Variants in SRP72 observed in about 807,000 individuals in gnomAD.
SRP72 encodes signal recognition particle 72.
Under a neutral mutation model 96.3 loss-of-function variants are expected in SRP72, and 49 were observed. That is an observed-to-expected ratio of 0.51 (90% CI 0.40 to 0.65). The LOEUF is 0.65. Ranked by LOEUF, SRP72 falls within the 30% of genes least tolerant of loss-of-function variation. The probability of loss-of-function intolerance (pLI) is 0.00; values close to 1 mark genes in which losing one functional copy is unlikely to be tolerated. For missense variants in SRP72, 736 were observed against 793.3 expected, an observed-to-expected ratio of 0.93 and a Z score of 0.87; for synonymous variants, 267 against 275.2, an observed-to-expected ratio of 0.97 and a Z score of 0.30.
chr4:56,482,949 A>G (rs1720560136), intron 8 of SRP72, among the ~76,000 whole-genome samples, 190 bp from the exon 9 acceptor site: 1 of 152,238 alleles, frequency 6.6e-6, no homozygotes. Context: ...TGAATTGCAG[A>G]GATTCAAAAA....
chr4:56,494,202 A>G (rs1721001813), intron 16 of SRP72, among the ~76,000 whole-genome samples: 1 of 152,182 alleles, frequency 6.6e-6, no homozygotes, highest in South Asian at 2.1e-4. Context: ...GAAACACTCA[A>G]GTAAGATACA....
Position 56,468,082 on chromosome 4 carries a change from A to C in SRP72, c.109+338A>C, listed in dbSNP as rs74742377. 5.9e-5 allele frequency among the ~76,000 whole-genome samples: 9 copies of C among 152,332 alleles called. No individual in the cohort carries two copies. In the East Asian group the frequency reaches 1.7e-3, roughly 29 times the overall value. On this transcript the variant is annotated intron_variant, in intron 1 of 18. Coordinates refer to ENST00000642900, the MANE Select transcript of SRP72 (RefSeq NM_006947.4). ...TGACTCCTTTGCTGCTTTATTTCAC[A>C]AATATTCCAAAGTGCCTCCTTTTCT... is the stretch of plus-strand genomic sequence containing the variant.
At chr4:56,490,281 C>A in intron 13 of SRP72, 52 bp from the exon 14 acceptor site, 1 of 1,428,008 alleles carries the variant, frequency 7.0e-7, no homozygotes, top group South Asian at 1.2e-5. Flanking sequence ...ACTGCATGCA[C>A]TTGCTAGATA....
At chr4:56,484,895 C>T (rs755834539) in intron 10 of SRP72, 31 bp downstream of exon 10, 7 of 1,597,452 alleles carry the variant, frequency 4.4e-6, no homozygotes, top group South Asian at 2.3e-5. Context: ...AGGTGTCAGA[C>T]ATTTGCAGCT....
Position 56,478,617 on chromosome 4 carries a change from G to A in SRP72, c.793G>A (p.Val265Ile), listed in dbSNP as rs756512943. ...LKPTDVGLLAVIANNIITINK... is the reference protein window; with the variant it reads ...LKPTDVGLLAIIANNIITINK... ...ACCAACAGATGTGGGATTACTAGCT[G>A]TAATTGCAAATAACATCATTACCAT... Residue 265 changes from valine (V) to isoleucine (I), a missense_variant, in exon 8 of 19, where the codon GTA becomes ATA. By Grantham distance (29) the Val-to-Ile change is conservative. Around this residue, in one of 3 missense-constraint regions of SRP72, gnomAD observed 329 missense variants for 319.0 expected, o/e 1.03. Transcript: ENST00000642900. 6.2e-6 allele frequency: 10 copies of A among 1,613,960 alleles called. No individual in the cohort carries two copies. The highest frequency in any genetic ancestry group is 1.7e-4 in the Middle Eastern group (1 of 6,024).
At position 56,490,066 on chromosome 4, in the gene SRP72, AT is replaced by A. The variant is rs35626479; in HGVS notation, c.1321-266del. On this transcript the variant is annotated intron_variant, in intron 13 of 18. Transcript: ENST00000642900. ...GGCATATCTTTAAGATTTGATTATT[AT>A]AGGGGAATGTTTCCAGTTGTAGACA... 0.2 allele frequency among the ~76,000 whole-genome samples: 30,037 copies of A among 152,100 alleles called. 3,320 individuals carry two copies. The highest frequency in any genetic ancestry group is 0.35 in the Admixed American group (5,363 of 15,276).
At position 56,469,687 on chromosome 4, in the gene SRP72, G is replaced by GC; in HGVS notation, c.145dup (p.His49ProfsTer3). 6.2e-7 allele frequency: 1 copy of GC among 1,611,564 alleles called. No homozygotes were observed. The highest frequency in any genetic ancestry group is 8.5e-7 in the Non-Finnish European group (1 of 1,178,180). ...TCAACAAAGATGACGTAACTGCCCTGCATTGTAAAGTGGTATGCCTTATCC... is the reference window on the plus strand; with the variant it reads ...TCAACAAAGATGACGTAACTGCCCTGCCATTGTAAAGTGGTATGCCTTATCC... On this transcript the variant is annotated frameshift_variant, in exon 2 of 19. Coordinates refer to ENST00000642900, the MANE Select transcript of SRP72 (RefSeq NM_006947.4). LOFTEE classifies it high-confidence loss of function.
rs1720339347 is a variant in SRP72 at position 56,478,512 on chromosome 4, T to C, written c.767+9T>C. 6.2e-7 allele frequency: 1 copy of C among 1,613,804 alleles called. No homozygotes were observed. The highest frequency in any genetic ancestry group is 1.1e-5 in the South Asian group (1 of 90,996). ...CAAATAATAAAACTAAAGTGAGTTATTAAAAGGAAGTGTCTTTTATAGGGG... is the reference window on the plus strand; with the variant it reads ...CAAATAATAAAACTAAAGTGAGTTACTAAAAGGAAGTGTCTTTTATAGGGG... On this transcript the variant is annotated intron_variant, in intron 7 of 18. Coordinates refer to ENST00000642900, the MANE Select transcript of SRP72 (RefSeq NM_006947.4).
At chr4:56,468,451 T>C (rs1560672281) in intron 1 of SRP72, among the ~76,000 whole-genome samples, 1 of 152,182 alleles carries the variant, frequency 6.6e-6, no homozygotes, top group Non-Finnish European at 1.5e-5. Context: ...ATTCATCATA[T>C]TCTTTTGTTC....
At chr4:56,482,616 A>G (rs1046484085) in intron 8 of SRP72, among the ~76,000 whole-genome samples, 3 of 152,178 alleles carry the variant, frequency 2.0e-5, no homozygotes, top group Non-Finnish European at 4.4e-5. Flanking sequence ...CAAACACGAA[A>G]TATCTCCAAG....
In SRP72 at chr4:56,501,840, A is replaced by G. The variant is rs763050199; in HGVS notation, c.1995A>G (p.Lys665=). 1 of 1,614,022 alleles carries G rather than the reference A, an allele frequency of 6.2e-7. No homozygotes were observed. Among genetic ancestry groups the G allele is most frequent in the African/African-American group, 1.3e-5 (1 of 74,910 alleles). ...AGAAACAGCAACAGAAAAAGAAGAAAGGTGGAAAAGGTGGCTGGTGATGAG... is the reference window on the plus strand; with the variant it reads ...AGAAACAGCAACAGAAAAAGAAGAAGGGTGGAAAAGGTGGCTGGTGATGAG... ...TKKKQQQKKK[K]GGKGGW is the part of the protein sequence containing the mutation. The change falls in exon 19 of 19, where the codon AAA becomes AAG. Residue 665 remains lysine (K), a synonymous_variant. Transcript: ENST00000642900.
chr4:56,492,869 C>A (rs578054246), intron 16 of SRP72, among the ~76,000 whole-genome samples: 2 of 152,168 alleles, frequency 1.3e-5, no homozygotes, highest in South Asian at 4.2e-4. Context: ...GCTCTGTGTT[C>A]CAGTTACTGG....
At chr4:56,481,335 A>G (rs1218743769) in intron 8 of SRP72, among the ~76,000 whole-genome samples, 2 of 152,224 alleles carry the variant, frequency 1.3e-5, no homozygotes, top group Non-Finnish European at 2.9e-5. Context: ...TTACAAAGCT[A>G]GAGTATTGTG....
chr4:56,470,635 A>T (rs1468281005), intron 2 of SRP72, among the ~76,000 whole-genome samples: 1 of 151,890 alleles, frequency 6.6e-6, no homozygotes, highest in East Asian at 1.9e-4. Flanking sequence ...TTTTCTTTTT[A>T]TATTTGAGGC....
chr4:56,481,768 CT>C (rs71194110), intron 8 of SRP72, among the ~76,000 whole-genome samples: 16,463 of 122,552 alleles, frequency 0.13, 1,247 homozygotes, highest in East Asian at 0.43. Context: ...CTGTTGGCTC[CT>C]TTTTTTTTTT....
At position 56,477,485 on chromosome 4, in the gene SRP72, C is replaced by G. The variant is rs115800772; in HGVS notation, c.642+783C>G. ...TTCTTCTTTGTAGAGATGGGGGTCT[C>G]GCTGTGTTGACAAGTTTGGCTTATC... On this transcript the variant is annotated intron_variant, in intron 6 of 18. Coordinates refer to ENST00000642900, the MANE Select transcript of SRP72 (RefSeq NM_006947.4). Among the ~76,000 whole-genome samples, 370 of 151,598 alleles carry G rather than the reference C, an allele frequency of 2.4e-3. 3 individuals carry two copies. The highest frequency in any genetic ancestry group is 8.5e-3 in the African/African-American group (353 of 41,308).
intron 1 of SRP72, among the ~76,000 whole-genome samples, chr4:56,469,299 A>T (rs1719870394): frequency 1.3e-5 from 2 of 152,240 alleles, no homozygotes; most frequent in Admixed American, 6.5e-5. Context: ...TTCCCTGTGA[A>T]GTAATGAACT....
chr4:56,498,043 T>C (rs1181153581), intron 17 of SRP72, among the ~76,000 whole-genome samples: 1 of 152,218 alleles, frequency 6.6e-6, no homozygotes, highest in Non-Finnish European at 1.5e-5. Context: ...TAAGGATTTT[T>C]TTCCACTCCT....
chr4:56,476,714 A>G lies in SRP72; in HGVS notation c.642+12A>G, dbSNP rs748289540. 1 of 1,611,996 alleles carries G rather than the reference A, an allele frequency of 6.2e-7. No homozygotes were observed. The highest frequency in any genetic ancestry group is 1.7e-5 in the Admixed American group (1 of 59,842). The stretch of plus-strand genomic sequence containing the variant: ...TATCAGAAGACACTGTAAGTATTCC[A>G]TCATTGTTAAACCTAAATTTTACAC... On this transcript the variant is annotated intron_variant, in intron 6 of 18. Transcript: ENST00000642900.
Sources: gnomAD v4.1 joint callset for allele counts (sites outside exome capture counted in the v4.1 genomes callset) on GRCh38, gnomAD v4.1.1 for gene constraint, gnomAD v4.1.1 regional missense constraint, MANE v1.5 for transcripts, NCBI Gene and HGNC (gene_info 2026-07-23, HGNC 2026-07-21) for gene names.